CCDC148: variants seen among roughly 807,000 people sequenced by gnomAD.
CCDC148 encodes the protein coiled-coil domain containing 148.
In CCDC148, 89 loss-of-function variants were observed where a neutral mutation model predicts 85.7. The observed-to-expected ratio is 1.04, with a 90% CI of 0.87 to 1.24. The LOEUF is 1.24. Ranked by LOEUF, CCDC148 falls within the 50% of genes most tolerant of loss-of-function variation. The pLI is 0.00. For missense variants in CCDC148, 692 were observed against 671.7 expected, an observed-to-expected ratio of 1.03 and a Z score of -0.33; for synonymous variants, 230 against 213.9, an observed-to-expected ratio of 1.08 and a Z score of -0.66.
chr2:158,267,416 G>A (rs1483247626), intron 9 of CCDC148, among the ~76,000 whole-genome samples: 1 of 152,086 alleles, frequency 6.6e-6, no homozygotes, highest in Non-Finnish European at 1.5e-5. Flanking sequence ...CCACCATATC[G>A]AGGACATGTA....
At chr2:158,421,057 A>C (rs187346269) in intron 1 of CCDC148, among the ~76,000 whole-genome samples, 20 of 152,194 alleles carry the variant, frequency 1.3e-4, no homozygotes, top group Non-Finnish European at 1.5e-5. Context: ...ATATATATGC[A>C]CTCAATACAG....
chr2:158,450,722 C>T (rs1050404343), intron 1 of CCDC148, among the ~76,000 whole-genome samples: 2 of 151,258 alleles, frequency 1.3e-5, no homozygotes, highest in Non-Finnish European at 2.9e-5. Context: ...TTCTTGCTGC[C>T]TCAAAATTTT....
At chr2:158,363,527 C>A (rs894372246) in intron 1 of CCDC148, among the ~76,000 whole-genome samples, 1 of 152,060 alleles carries the variant, frequency 6.6e-6, no homozygotes, top group Non-Finnish European at 1.5e-5. Flanking sequence ...AATCAATAAA[C>A]GTAATCCATC....
At chr2:158,415,078 T>A (rs1310318756) in intron 1 of CCDC148, among the ~76,000 whole-genome samples, 1 of 151,754 alleles carries the variant, frequency 6.6e-6, no homozygotes, top group Non-Finnish European at 1.5e-5. Flanking sequence ...ATAATTTAAG[T>A]GTGAATTTGT....
chr2:158,396,021 A>G lies in CCDC148; in HGVS notation c.26-37451T>C, dbSNP rs553105234. Among the ~76,000 whole-genome samples, 9 of 152,208 alleles carry G rather than the reference A, an allele frequency of 5.9e-5. No individual in the cohort carries two copies. In the South Asian group the frequency reaches 1.9e-3, roughly 32 times the overall value. ...TGATGGAATGGCTAAGGACAGTCCA[A>G]CTACTGGCCAATACGGAAGATTATA... On this transcript the variant is annotated intron_variant, in intron 1 of 13. Transcript: ENST00000283233.
At chr2:158,309,738 T>A (rs1053376400) in intron 8 of CCDC148, 99 bp from the exon 9 acceptor site, 9 of 900,536 alleles carry the variant, frequency 1.0e-5, no homozygotes, top group Non-Finnish European at 1.2e-5. Flanking sequence ...TTATAACCAA[T>A]GATTTTGAAA....
intron 13 of CCDC148, among the ~76,000 whole-genome samples, chr2:158,174,085 A>G (rs1045370522): frequency 2.0e-5 from 3 of 151,966 alleles, no homozygotes; most frequent in Non-Finnish European, 4.4e-5. Flanking sequence ...CTGTATTCTT[A>G]AATGGTTAAT....
intron 7 of CCDC148, among the ~76,000 whole-genome samples, chr2:158,328,046 G>C (rs1692875453): frequency 1.3e-5 from 2 of 151,546 alleles, no homozygotes; most frequent in South Asian, 2.1e-4. Flanking sequence ...TTAAGTTTTA[G>C]GGTACATGTG....
chr2:158,392,280 T>C (rs1685345045), intron 1 of CCDC148, among the ~76,000 whole-genome samples: 1 of 152,170 alleles, frequency 6.6e-6, no homozygotes, highest in Admixed American at 6.6e-5. Flanking sequence ...GTCTCTATTC[T>C]GCAACAGCTC....
At chr2:158,418,143 C>T (rs538837294) in intron 1 of CCDC148, among the ~76,000 whole-genome samples, 7 of 151,388 alleles carry the variant, frequency 4.6e-5, no homozygotes, top group Non-Finnish European at 7.4e-5. Context: ...CCGTGTAATA[C>T]TAAAGCCTGA....
At chr2:158,259,943 C>T (rs921430001) in intron 9 of CCDC148, among the ~76,000 whole-genome samples, 3 of 151,954 alleles carry the variant, frequency 2.0e-5, no homozygotes, top group Non-Finnish European at 4.4e-5. Context: ...TTGACTAACC[C>T]ATCTCTTACC....
intron 2 of CCDC148, among the ~76,000 whole-genome samples, chr2:158,353,295 A>G (rs1039505017): frequency 2.1e-5 from 3 of 142,332 alleles, no homozygotes; most frequent in East Asian, 4.1e-4. Context: ...TTGGATAAAG[A>G]GTCAAGACCC....
At chr2:158,365,161 T>TA (rs1559101831) in intron 1 of CCDC148, among the ~76,000 whole-genome samples, 1 of 152,124 alleles carries the variant, frequency 6.6e-6, no homozygotes, top group Admixed American at 6.6e-5. Context: ...AAACAACAGA[T>TA]ACTGGAGAAG....
At chr2:158,237,044 C>T (rs1688139290) in intron 10 of CCDC148, among the ~76,000 whole-genome samples, 1 of 152,112 alleles carries the variant, frequency 6.6e-6, no homozygotes, top group African/African-American at 2.4e-5. Flanking sequence ...TTGTGCAGGA[C>T]CCTGAATGCT....
At chr2:158,447,031 T>G (rs559032655) in intron 1 of CCDC148, 19 of 152,218 alleles carry the variant, frequency 1.2e-4, no homozygotes, top group Non-Finnish European at 2.5e-4. Flanking sequence ...TTTCCAATGT[T>G]TTGCTATTAT....
chr2:158,408,592 C>A (rs1326757640), intron 1 of CCDC148, among the ~76,000 whole-genome samples: 4 of 151,390 alleles, frequency 2.6e-5, no homozygotes, highest in African/African-American at 9.7e-5. Flanking sequence ...TATTCATAAA[C>A]ACACACACAC....
At chr2:158,323,520 C>T (rs1176712255) in intron 7 of CCDC148, among the ~76,000 whole-genome samples, 1 of 152,136 alleles carries the variant, frequency 6.6e-6, no homozygotes, top group Non-Finnish European at 1.5e-5. Flanking sequence ...GAAATGGCAA[C>T]CTGTTTTACC....
In CCDC148 at chr2:158,406,196, G is replaced by A. The variant is rs545993677; in HGVS notation, c.26-47626C>T. Among the ~76,000 whole-genome samples, 49 of 152,188 alleles carry A rather than the reference G, an allele frequency of 3.2e-4. 2 individuals carry two copies. In the South Asian group the frequency reaches 9.8e-3, roughly 30 times the overall value. On this transcript the variant is annotated intron_variant, in intron 1 of 13. Transcript: ENST00000283233. ...TAGAAATGAATGATAATATTGTAGG[G>A]GCTCTGGCTTGCAAGAGACCTGAAT...
At chr2:158,211,069 A>G (rs899182633) in intron 11 of CCDC148, among the ~76,000 whole-genome samples, 2 of 151,910 alleles carry the variant, frequency 1.3e-5, no homozygotes, top group South Asian at 4.2e-4. Flanking sequence ...TAGCATTAGG[A>G]GAAATATCTA....
Sources: allele counts gnomAD v4.1 joint callset (sites outside exome capture counted in the v4.1 genomes callset), GRCh38; gene constraint gnomAD v4.1.1; transcripts MANE v1.5; gene names NCBI Gene and HGNC (gene_info 2026-07-23, HGNC 2026-07-21).